Variants in SDK2 observed in about 807,000 individuals in gnomAD.
SDK2 encodes the protein sidekick cell adhesion molecule 2, also known as protein sidekick-2.
Under a neutral mutation model 253.9 loss-of-function variants are expected in SDK2, and 105 were observed. The ratio of observed to expected loss-of-function variants is 0.41; its 90% CI spans 0.35 to 0.49. The LOEUF (loss-of-function observed/expected upper bound fraction) is 0.49, where lower values mean the gene tolerates loss of function less well. SDK2 is among the 20% of genes least tolerant of loss of function. The pLI is 0.06. For missense variants in SDK2, 2,608 were observed against 3,003.0 expected, an observed-to-expected ratio of 0.87 and a Z score of 3.07; for synonymous variants, 1,249 against 1,234.9, an observed-to-expected ratio of 1.01 and a Z score of -0.24.
At chr17:73,510,385 T>A (rs2063970747) in intron 1 of SDK2, among the ~76,000 whole-genome samples, 1 of 152,108 alleles carries the variant, frequency 6.6e-6, no homozygotes, top group Admixed American at 6.5e-5. Flanking sequence ...CTACTAACCC[T>A]CACTGTGGGG....
chr17:73,452,242 G>A (rs760645745), intron 4 of SDK2, among the ~76,000 whole-genome samples: 8 of 152,158 alleles, frequency 5.3e-5, no homozygotes, highest in African/African-American at 9.7e-5. Flanking sequence ...CAGTGAGAGC[G>A]GCTCTCTGTA....
chr17:73,449,456 C>T (rs955649603), intron 4 of SDK2, among the ~76,000 whole-genome samples: 4 of 152,092 alleles, frequency 2.6e-5, no homozygotes, highest in South Asian at 2.1e-4. Flanking sequence ...ACTCTCCCAG[C>T]CCGGCTGTGC....
chr17:73,478,677 C>T (rs528268277), intron 2 of SDK2, among the ~76,000 whole-genome samples: 2 of 152,324 alleles, frequency 1.3e-5, no homozygotes, highest in South Asian at 4.1e-4. Context: ...GTGGCATCTT[C>T]TCCAGCACAT....
intron 18 of SDK2, among the ~76,000 whole-genome samples, chr17:73,413,946 G>C (rs1253596211): frequency 6.6e-6 from 1 of 152,140 alleles, no homozygotes; most frequent in Non-Finnish European, 1.5e-5. Flanking sequence ...GGATACGTTT[G>C]AGCATGAAGC....
chr17:73,595,759 T>C (rs2045748719), intron 1 of SDK2, among the ~76,000 whole-genome samples: 1 of 152,060 alleles, frequency 6.6e-6, no homozygotes, highest in Admixed American at 6.5e-5. Context: ...AGTTCAAGGC[T>C]GGCATCCACT....
At chr17:73,549,197 G>A (rs976490592) in intron 1 of SDK2, among the ~76,000 whole-genome samples, 1 of 152,240 alleles carries the variant, frequency 6.6e-6, no homozygotes, top group African/African-American at 2.4e-5. Context: ...AGAGAAGCCG[G>A]AGTGAGGAGC....
At chr17:73,411,635 G>C (rs1046389778) in intron 18 of SDK2, among the ~76,000 whole-genome samples, 22 of 152,118 alleles carry the variant, frequency 1.4e-4, no homozygotes, top group Non-Finnish European at 2.6e-4. Flanking sequence ...AGTCCTCCGT[G>C]GGGAGGACAG....
intron 1 of SDK2, among the ~76,000 whole-genome samples, chr17:73,606,695 C>G (rs572035015): frequency 6.6e-6 from 1 of 152,088 alleles, no homozygotes; most frequent in South Asian, 2.1e-4. Context: ...AAGTCACGAT[C>G]GACTCTATCC....
rs374738523 is a variant in SDK2, at chr17:73,383,956, C to T, written c.4625G>A (p.Arg1542Gln). 3.1e-5 allele frequency: 50 copies of T among 1,613,744 alleles called. No homozygotes were observed. The East Asian group carries it at 3.3e-4, about 11-fold the overall frequency. Residue 1542 changes from arginine (R) to glutamine (Q), a missense_variant, in exon 33 of 45, where the codon CGG (arginine) becomes CAG (glutamine). Physicochemically the swap from Arg to Gln is conservative, Grantham distance 43 (BLOSUM62 1). Around this residue, in one of 2 missense-constraint regions of SDK2, gnomAD observed 1,103 missense variants for 1,143.9 expected, o/e 0.96. Transcript: ENST00000392650. This position sits in a 1 kb window ranked among gnomAD's most constrained non-coding sequence, Gnocchi z 4.3. ...CCTCAGTCCTTCATAGAGCAGCTCC[C>T]GGTATCGGATCCGGAAGCCCAGGAG... ...GILLGFRIRY[R>Q]ELLYEGLRGF... is the part of the protein sequence containing the mutation.
chr17:73,338,232 C>T lies in SDK2; in HGVS notation c.*355G>A. 2.4e-6 allele frequency: 1 copy of T among 411,174 alleles called. No individual in the cohort carries two copies. The highest frequency in any genetic ancestry group is 1.9e-5 in the South Asian group (1 of 52,654). 25.5% of individuals were successfully genotyped at this position (411,174 alleles called of 1,614,324 possible). On this transcript the variant is annotated 3_prime_UTR_variant, in exon 45 of 45. Coordinates refer to ENST00000392650, the MANE Select transcript of SDK2 (RefSeq NM_001144952.2). The surrounding 1 kb of genome is among the most constrained non-coding windows in gnomAD (Gnocchi z 5.0). ...AAGCTTTTTCTTCCCTCGGCCACGC[C>T]TGCCTGGCGGCCTCCAGTCCTTAGC...
intron 1 of SDK2, among the ~76,000 whole-genome samples, chr17:73,623,748 C>T (rs940915596): frequency 1.3e-5 from 2 of 152,128 alleles, no homozygotes; most frequent in African/African-American, 2.4e-5. Flanking sequence ...TGCTTCTTCA[C>T]GCCTGTGGGC....
intron 18 of SDK2, among the ~76,000 whole-genome samples, chr17:73,406,459 A>G (rs1457913929): frequency 6.6e-6 from 1 of 151,742 alleles, no homozygotes; most frequent in Non-Finnish European, 1.5e-5. Flanking sequence ...TATGTTGGCC[A>G]TGGTGGTCTT....
chr17:73,368,691 G>T, intron 36 of SDK2, 98 bp from the exon 37 acceptor site: 1 of 1,064,812 alleles, frequency 9.4e-7, no homozygotes. Flanking sequence ...CTTCATTGCT[G>T]TGAGTCACCT....
chr17:73,587,306 G>A (rs977456735), intron 1 of SDK2, among the ~76,000 whole-genome samples: 1 of 152,220 alleles, frequency 6.6e-6, no homozygotes, highest in Non-Finnish European at 1.5e-5. Context: ...ACTGGCCCGA[G>A]GTGGAGCCAG....
intron 2 of SDK2, among the ~76,000 whole-genome samples, chr17:73,484,354 TC>T (rs2063757235): frequency 6.6e-6 from 1 of 152,158 alleles, no homozygotes; most frequent in Non-Finnish European, 1.5e-5. Flanking sequence ...TGGACCCACT[TC>T]TCCGGGCTCA....
chr17:73,561,714 C>T (rs750198019), intron 1 of SDK2, among the ~76,000 whole-genome samples: 13 of 152,208 alleles, frequency 8.5e-5, no homozygotes, highest in Non-Finnish European at 1.6e-4. Context: ...TACGGCCTCC[C>T]CTGAATTGAG....
rs2063839343 is a variant in SDK2, at chr17:73,496,027, A to G, written c.224+11411T>C. Among the ~76,000 whole-genome samples the G allele has an allele frequency of 6.6e-6, 1 of 152,216 alleles. No individual in the cohort carries two copies. The highest frequency in any genetic ancestry group is 1.5e-5 in the Non-Finnish European group (1 of 68,048). On this transcript the variant is annotated intron_variant, in intron 2 of 44. Coordinates refer to ENST00000392650, the MANE Select transcript of SDK2 (RefSeq NM_001144952.2). The surrounding 1 kb of genome is among the most constrained non-coding windows in gnomAD (Gnocchi z 4.7). ...AAATCTCCAAAGGGCTGGAACAGGC[A>G]GATAGGATCTAGCCTCATTGAGGAA... is the stretch of plus-strand genomic sequence containing the variant.
At chr17:73,341,993 A>G (rs1047047579) in intron 44 of SDK2, among the ~76,000 whole-genome samples, 2 of 151,816 alleles carry the variant, frequency 1.3e-5, no homozygotes, top group African/African-American at 4.8e-5. Flanking sequence ...TTGAACTCCA[A>G]TCTGCCTGAT....
chr17:73,464,247 G>A (rs933702818), intron 3 of SDK2, among the ~76,000 whole-genome samples: 10 of 152,118 alleles, frequency 6.6e-5, no homozygotes, highest in East Asian at 1.9e-4. Context: ...AGGACCAGGC[G>A]GAGATAATTG....
Sources: allele counts gnomAD v4.1 joint callset (sites outside exome capture counted in the v4.1 genomes callset), GRCh38; gene constraint gnomAD v4.1.1; regional missense constraint gnomAD v4.1.1; non-coding constraint Gnocchi (gnomAD v3.1); transcripts MANE v1.5; gene names NCBI Gene and HGNC (gene_info 2026-07-23, HGNC 2026-07-21).